Variants in FBXO11 observed in about 807,000 individuals in gnomAD.
FBXO11 encodes the protein F-box protein 11.
A neutral mutation model predicts 117.0 loss-of-function variants in FBXO11; 13 were observed. The ratio of observed to expected loss-of-function variants is 0.11; its 90% CI spans 0.07 to 0.18. FBXO11 has a LOEUF of 0.18. Ranked by LOEUF, FBXO11 falls within the 10% of genes least tolerant of loss-of-function variation. FBXO11 has a pLI of 1.00. For missense variants in FBXO11, 767 were observed against 1,164.4 expected (o/e 0.66, Z 4.97); for synonymous variants, 490 against 380.5 (o/e 1.29, Z -3.35).
chr2:47,818,549 G>A, intron 16 of FBXO11: 1 of 421,974 alleles, frequency 2.4e-6, no homozygotes, highest in Non-Finnish European at 4.2e-6. Context: ...ATAGTGGAAA[G>A]CAGAACGGTG....
At position 47,807,252 on chromosome 2, in the gene FBXO11, CTGTT is replaced by C. The variant is rs564683969; in HGVS notation, c.*862_*865del. 3 of 229,808 alleles carry C rather than the reference CTGTT, an allele frequency of 1.3e-5. No homozygotes were observed. The highest frequency in any genetic ancestry group is 6.5e-5 in the East Asian group (1 of 15,388). The allele number at this position is 229,808 out of a possible 1,614,324, so 14.2% of individuals were successfully genotyped here. A position where few individuals can be genotyped will look rare whatever the true frequency, so the allele number is the denominator to read the frequency against. Reference sequence around the variant, plus strand: ...CTATGAACAGAGTTCAAATACAGGACTGTTTGTTTTGAAGAGACTTTCTAAAGTG... The same window carrying C: ...CTATGAACAGAGTTCAAATACAGGACTGTTTTGAAGAGACTTTCTAAAGTG... On this transcript the variant is annotated 3_prime_UTR_variant, in exon 23 of 23. Coordinates refer to ENST00000403359, the MANE Select transcript of FBXO11 (RefSeq NM_001190274.2).
At chr2:47,820,496 C>A in intron 13 of FBXO11, 40 bp from the exon 14 acceptor site, 1 of 1,478,196 alleles carries the variant, frequency 6.8e-7, no homozygotes, top group Non-Finnish European at 9.4e-7. Context: ...CATTTGTGAG[C>A]CTAGAGAATA....
In FBXO11 at chr2:47,864,584, T is replaced by A. The variant is rs72811506; in HGVS notation, c.233-24815A>T. ...GCTGGACGACAAGAGTAAAACTCCA[T>A]CTCACAAAAAAGACAAAAATAAACA... On this transcript the variant is annotated intron_variant, in intron 1 of 22. Transcript: ENST00000403359. Among the ~76,000 whole-genome samples, 1,816 of 152,176 alleles carry A rather than the reference T, an allele frequency of 0.012. 94 individuals are homozygous for A. The East Asian group carries it at 0.18, about 15-fold the overall frequency.
intron 1 of FBXO11, among the ~76,000 whole-genome samples, chr2:47,900,731 C>T (rs1336084335): frequency 4.9e-5 from 6 of 123,102 alleles, no homozygotes; most frequent in African/African-American, 1.6e-4. Context: ...TATACACACA[C>T]GTGTATATAT....
intron 1 of FBXO11, among the ~76,000 whole-genome samples, chr2:47,859,864 G>C (rs908315898): frequency 6.6e-6 from 1 of 152,132 alleles, no homozygotes; most frequent in Non-Finnish European, 1.5e-5. Context: ...TGAGACCTGA[G>C]ATTGAGGCCC....
chr2:47,887,297 G>T (rs1676933045), intron 1 of FBXO11, among the ~76,000 whole-genome samples: 1 of 150,990 alleles, frequency 6.6e-6, no homozygotes, highest in East Asian at 1.9e-4. Flanking sequence ...AAAAAAAAAG[G>T]TGGGGGGGAG....
At chr2:47,823,441 A>G (rs778267866) in intron 11 of FBXO11, 81 bp from the exon 12 acceptor site, 209 of 1,022,414 alleles carry the variant, frequency 2.0e-4, no homozygotes, top group Non-Finnish European at 2.6e-4. Flanking sequence ...ATTTCAATGC[A>G]TATCTAAAAA....
chr2:47,901,097 A>G lies in FBXO11; in HGVS notation c.232+4392T>C, dbSNP rs1247351413. Among the ~76,000 whole-genome samples, 783 of 107,210 alleles carry G rather than the reference A, an allele frequency of 7.3e-3. 12 individuals are homozygous for G. Among genetic ancestry groups the G allele is most frequent in the African/African-American group, 0.023 (686 of 30,064 alleles). The allele number at this position is 107,210 out of a possible 152,430, so 70.3% of individuals were successfully genotyped here. A position where few individuals can be genotyped will look rare whatever the true frequency, so the allele number is the denominator to read the frequency against. On this transcript the variant is annotated intron_variant, in intron 1 of 22. Transcript: ENST00000403359. ...TACACACGTGTGTACATATATATAC[A>G]TATATATGTATATATGTACACACGT...
chr2:47,865,505 AG>A (rs1418331458), intron 1 of FBXO11, among the ~76,000 whole-genome samples: 2 of 152,252 alleles, frequency 1.3e-5, no homozygotes, highest in South Asian at 2.1e-4. Flanking sequence ...TAAATAAAAC[AG>A]GGGCCTAGGT....
chr2:47,829,281 C>T (rs553855126), intron 11 of FBXO11, among the ~76,000 whole-genome samples: 1 of 152,130 alleles, frequency 6.6e-6, no homozygotes, highest in East Asian at 1.9e-4. Context: ...TGCTCTGTCG[C>T]CCAGGCTGGA....
chr2:47,820,197 T>C (rs1422610614), intron 14 of FBXO11, among the ~76,000 whole-genome samples, 165 bp downstream of exon 14: 1 of 152,148 alleles, frequency 6.6e-6, no homozygotes, highest in Non-Finnish European at 1.5e-5. Flanking sequence ...ATCATTAAGA[T>C]ACTGGCAGGG....
intron 1 of FBXO11, among the ~76,000 whole-genome samples, chr2:47,884,288 T>C (rs1429068890): frequency 2.0e-5 from 3 of 152,200 alleles, no homozygotes; most frequent in Admixed American, 6.5e-5. Flanking sequence ...TGGCTCTGTG[T>C]GCACATGTGT....
In FBXO11 at chr2:47,807,246, A is replaced by G. The variant is rs1261440076; in HGVS notation, c.*872T>C. 2 of 234,442 alleles carry G rather than the reference A, an allele frequency of 8.5e-6. No individual in the cohort carries two copies. The highest frequency in any genetic ancestry group is 1.7e-5 in the Non-Finnish European group (2 of 118,384). The allele number at this position is 234,442 out of a possible 1,614,324, so 14.5% of individuals were successfully genotyped here. A position where few individuals can be genotyped will look rare whatever the true frequency, so the allele number is the denominator to read the frequency against. ...AAAAAACTATGAACAGAGTTCAAAT[A>G]CAGGACTGTTTGTTTTGAAGAGACT... is the stretch of plus-strand genomic sequence containing the variant. On this transcript the variant is annotated 3_prime_UTR_variant, in exon 23 of 23. Transcript: ENST00000403359.
chr2:47,819,152 T>A, intron 14 of FBXO11, 74 bp from the exon 15 acceptor site: 2 of 1,449,990 alleles, frequency 1.4e-6, no homozygotes, highest in Non-Finnish European at 9.3e-7. Context: ...ACCCCCTTTA[T>A]AGACAGTTAA....
chr2:47,867,292 T>C (rs1319223687), intron 1 of FBXO11, among the ~76,000 whole-genome samples: 1 of 152,176 alleles, frequency 6.6e-6, no homozygotes, highest in East Asian at 1.9e-4. Flanking sequence ...CTCCATAGAA[T>C]CATCCTCCAC....
chr2:47,835,851 T>C lies in FBXO11; in HGVS notation c.717+21A>G, dbSNP rs914793605. The C allele has an allele frequency of 5.8e-6, 9 of 1,551,770 alleles. No homozygotes were observed. In the African/African-American group the frequency reaches 9.7e-5, roughly 17 times the overall value. ...TACAAATGTATAATATAAACCAATA[T>C]ATTCTATTTATATTTCATACCAACT... On this transcript the variant is annotated intron_variant, in intron 5 of 22. Coordinates refer to ENST00000403359, the MANE Select transcript of FBXO11 (RefSeq NM_001190274.2).
intron 1 of FBXO11, among the ~76,000 whole-genome samples, chr2:47,878,904 G>C (rs181128855): frequency 6.6e-6 from 1 of 152,024 alleles, no homozygotes. Context: ...ACTTGAATTG[G>C]GGAGGCAGAC....
At chr2:47,822,720 T>C (rs898866672) in intron 12 of FBXO11, among the ~76,000 whole-genome samples, 1 of 152,228 alleles carries the variant, frequency 6.6e-6, no homozygotes, top group African/African-American at 2.4e-5. Context: ...CTTGCAGTTT[T>C]TGACTTTTTG....
intron 1 of FBXO11, among the ~76,000 whole-genome samples, chr2:47,896,004 T>C (rs1363930171): frequency 6.6e-6 from 1 of 152,216 alleles, no homozygotes. Context: ...CATAACTATA[T>C]AGTTTTAAAT....
Sources: gnomAD v4.1 joint callset for allele counts (sites outside exome capture counted in the v4.1 genomes callset) on GRCh38, gnomAD v4.1.1 for gene constraint, MANE v1.5 for transcripts, NCBI Gene and HGNC (gene_info 2026-07-23, HGNC 2026-07-21) for gene names.